SND1: variants seen among roughly 807,000 people sequenced by gnomAD.
The protein encoded by SND1 is staphylococcal nuclease and tudor domain containing 1.
In SND1, 38 loss-of-function variants were observed where a neutral mutation model predicts 121.7. That is an observed-to-expected ratio of 0.31 (90% CI 0.24 to 0.41). SND1 has a LOEUF of 0.41. Among genes scored for constraint, SND1 ranks in the 10% least tolerant of loss-of-function variants. The pLI is 1.00. For synonymous variants in SND1, 401 were observed against 447.4 expected, an observed-to-expected ratio of 0.90 and a Z score of 1.31; for missense variants, 868 against 1,184.6, an observed-to-expected ratio of 0.73 and a Z score of 3.92.
intron 1 of SND1, among the ~76,000 whole-genome samples, chr7:127,661,987 G>A (rs559521562): frequency 2.0e-5 from 3 of 152,032 alleles, no homozygotes; most frequent in African/African-American, 7.2e-5. Flanking sequence ...ATGGTGGTGC[G>A]TGCCTGTAAT....
chr7:127,756,403 G>A (rs1797195701), intron 10 of SND1, among the ~76,000 whole-genome samples: 1 of 152,186 alleles, frequency 6.6e-6, no homozygotes, highest in South Asian at 2.1e-4. Context: ...AGCAGAGAGG[G>A]GACTAGAGCC....
intron 12 of SND1, among the ~76,000 whole-genome samples, chr7:127,847,566 C>T (rs1358022340): frequency 6.6e-6 from 1 of 152,188 alleles, no homozygotes; most frequent in African/African-American, 2.4e-5. Flanking sequence ...AATTACATAA[C>T]TTCCTGTTTG....
chr7:127,679,310 TAAAA>T (rs1469056568), intron 1 of SND1: 1 of 152,176 alleles, frequency 6.6e-6, no homozygotes, highest in Non-Finnish European at 1.5e-5. Context: ...AGCTGCCATT[TAAAA>T]AAATTTTTTT....
At position 128,050,345 on chromosome 7, in the gene SND1, TA is replaced by T. The variant is rs202167291; in HGVS notation, c.1780-24156del. ...GCAGGTCCTACAGAAAAAAGTACAG[TA>T]GAAATCCCATACCTCATTGTTCTTC... On this transcript the variant is annotated intron_variant, in intron 16 of 23. Coordinates refer to ENST00000354725, the MANE Select transcript of SND1 (RefSeq NM_014390.4). Among the ~76,000 whole-genome samples, 455 of 152,342 alleles carry T rather than the reference TA, an allele frequency of 3.0e-3. 1 individual carries two copies. The highest frequency in any genetic ancestry group is 9.8e-3 in the African/African-American group (408 of 41,582).
At chr7:127,913,125 T>C (rs1584661818) in intron 14 of SND1, among the ~76,000 whole-genome samples, 1 of 152,190 alleles carries the variant, frequency 6.6e-6, no homozygotes, top group African/African-American at 2.4e-5. Context: ...AAATGTTTGC[T>C]CAGGTGAGCT....
chr7:127,777,826 G>A lies in SND1; in HGVS notation c.1153-29658G>A, dbSNP rs573056852. On this transcript the variant is annotated intron_variant, in intron 10 of 23. Transcript: ENST00000354725. The stretch of plus-strand genomic sequence containing the variant: ...TGAATAGCTGGAATTACAGGCCTGC[G>A]CCACCTGCACGTGTCTCTGATTTTG... Among the ~76,000 whole-genome samples the A allele has an allele frequency of 1.6e-4, 24 of 152,180 alleles. 1 individual carries two copies. The East Asian group carries it at 3.5e-3, about 22-fold the overall frequency.
intron 12 of SND1, among the ~76,000 whole-genome samples, chr7:127,860,613 C>T (rs1799359231): frequency 2.0e-5 from 3 of 152,178 alleles, no homozygotes; most frequent in Admixed American, 2.0e-4. Context: ...CCTTTTAACC[C>T]TATTTGTAAC....
At chr7:128,030,802 C>G (rs760984754) in intron 16 of SND1, 7 of 900,922 alleles carry the variant, frequency 7.8e-6, no homozygotes, top group Non-Finnish European at 1.1e-5. Context: ...GAAAAAAATC[C>G]TGCCAAACTC....
rs770891023 is a variant in SND1 at position 128,081,814 on chromosome 7, G to A, written c.2110+313G>A. The A allele has an allele frequency of 1.2e-5, 7 of 580,516 alleles. No homozygotes were observed. In the African/African-American group the frequency reaches 1.3e-4, roughly 11 times the overall value. The allele number at this position is 580,516 out of a possible 1,614,324, so 36.0% of individuals were successfully genotyped here. A position where few individuals can be genotyped will look rare whatever the true frequency, so the allele number is the denominator to read the frequency against. ...GGAGCTCTGAGTCTCTTAGGTGATT[G>A]TTTGTTCCTACATACCCCTGGCTAT... On this transcript the variant is annotated intron_variant, in intron 18 of 23. Transcript: ENST00000354725.
intron 18 of SND1, chr7:128,081,743 G>A (rs977592908): frequency 3.9e-5 from 25 of 635,238 alleles, no homozygotes; most frequent in Middle Eastern, 3.0e-4. Flanking sequence ...AGGTGCTGCC[G>A]GACAGGTCCT....
At chr7:127,763,616 A>G (rs549574491) in intron 10 of SND1, among the ~76,000 whole-genome samples, 1 of 152,282 alleles carries the variant, frequency 6.6e-6, no homozygotes, top group South Asian at 2.1e-4. Context: ...TAATAATATG[A>G]TACTTGTTAA....
intron 15 of SND1, among the ~76,000 whole-genome samples, chr7:127,975,366 TGA>T (rs1021555632): frequency 8.0e-5 from 12 of 150,354 alleles, no homozygotes; most frequent in African/African-American, 1.2e-4. Context: ...CGTGTGTATG[TGA>T]GAGATTGACT....
chr7:127,834,232 A>G (rs1274727592), intron 11 of SND1, among the ~76,000 whole-genome samples: 1 of 152,216 alleles, frequency 6.6e-6, no homozygotes, highest in Non-Finnish European at 1.5e-5. Flanking sequence ...TTGGTGGATC[A>G]TATAGTAATT....
intron 12 of SND1, among the ~76,000 whole-genome samples, chr7:127,855,268 T>C (rs1799253304): frequency 1.3e-5 from 2 of 151,994 alleles, no homozygotes; most frequent in Admixed American, 1.3e-4. Flanking sequence ...CACAGCTGAA[T>C]GCCACCCCAC....
chr7:128,041,929 GT>G (rs1391664651), intron 16 of SND1, among the ~76,000 whole-genome samples: 2 of 152,238 alleles, frequency 1.3e-5, no homozygotes, highest in East Asian at 3.9e-4. Context: ...ACTTTAAACT[GT>G]TTCTCTGATG....
At chr7:127,702,548 C>G in intron 6 of SND1, 22 bp downstream of exon 6, 2 of 1,597,244 alleles carry the variant, frequency 1.3e-6, no homozygotes, top group Non-Finnish European at 1.7e-6. Context: ...CTCTTGGCTA[C>G]GTGGTGGGTT....
At chr7:127,803,558 C>CA (rs1390273746) in intron 10 of SND1, among the ~76,000 whole-genome samples, 1 of 152,096 alleles carries the variant, frequency 6.6e-6, no homozygotes, top group African/African-American at 2.4e-5. Flanking sequence ...ATATCAGTGG[C>CA]AATCAATTTA....
intron 10 of SND1, among the ~76,000 whole-genome samples, chr7:127,736,436 G>A (rs1796777261): frequency 6.6e-6 from 1 of 152,156 alleles, no homozygotes; most frequent in Non-Finnish European, 1.5e-5. Flanking sequence ...TAATGTGGAC[G>A]TGTCATAATT....
rs569873945 is a variant in SND1 at position 128,045,630 on chromosome 7, TA to T, written c.1780-28871del. Among the ~76,000 whole-genome samples, 33 of 152,306 alleles carry T rather than the reference TA, an allele frequency of 2.2e-4. No homozygotes were observed. The South Asian group carries it at 6.8e-3, about 32-fold the overall frequency. On this transcript the variant is annotated intron_variant, in intron 16 of 23. Coordinates refer to ENST00000354725, the MANE Select transcript of SND1 (RefSeq NM_014390.4). ...TGTTTTATGCTGCAGCACTAGAACATAGGAGCAGCTTAAATAATCAGATTTA... is the reference window on the plus strand; with the variant it reads ...TGTTTTATGCTGCAGCACTAGAACATGGAGCAGCTTAAATAATCAGATTTA...
Sources: allele counts gnomAD v4.1 joint callset (sites outside exome capture counted in the v4.1 genomes callset), GRCh38; gene constraint gnomAD v4.1.1; transcripts MANE v1.5; gene names NCBI Gene and HGNC (gene_info 2026-07-23, HGNC 2026-07-21).